The following FAM193A variants were observed in gnomAD, a reference collection of about 807,000 sequenced individuals.
FAM193A encodes the protein protein FAM193A.
FAM193A carries 22 observed loss-of-function variants against 126.5 expected under a neutral mutation model. The observed-to-expected ratio is 0.17, with a 90% confidence interval of 0.12 to 0.25. The LOEUF (loss-of-function observed/expected upper bound fraction) is 0.25, where lower values mean the gene tolerates loss of function less well. Ranked by LOEUF, FAM193A falls within the 10% of genes least tolerant of loss-of-function variation. The pLI is 1.00. For synonymous variants in FAM193A, 761 were observed against 646.8 expected (o/e 1.18, Z -2.68); for missense variants, 1,675 against 1,672.8 (o/e 1.00, Z -0.02).
rs1326447984 is a variant in FAM193A at position 2,659,599 on chromosome 4, A to G, written c.1431A>G (p.Thr477=). The G allele has an allele frequency of 6.2e-7, 1 of 1,614,180 alleles. No individual in the cohort carries two copies. The highest frequency in any genetic ancestry group is 1.1e-5 in the South Asian group (1 of 91,080). Residue 477 remains threonine, a synonymous_variant, in exon 9 of 21, where the codon ACA becomes ACG. Transcript: ENST00000637812. ...KKAVTGENNF[T]DTMRHMLSSR... Reference sequence around the variant, plus strand: ...CAGTTACTGGCGAGAACAACTTCACAGACACCATGAGGCACATGTTATCGT... The same window carrying G: ...CAGTTACTGGCGAGAACAACTTCACGGACACCATGAGGCACATGTTATCGT...
intron 1 of FAM193A, among the ~76,000 whole-genome samples, chr4:2,578,014 C>A (rs1739706117): frequency 6.6e-6 from 1 of 152,132 alleles, no homozygotes; most frequent in African/African-American, 2.4e-5. Context: ...TAATGACTAT[C>A]CCCTATTCCT....
At chr4:2,600,722 T>G (rs901357108) in intron 2 of FAM193A, among the ~76,000 whole-genome samples, 2 of 152,160 alleles carry the variant, frequency 1.3e-5, no homozygotes, top group African/African-American at 2.4e-5. Flanking sequence ...GGCTTTCAGG[T>G]GCCCATCTGT....
At chr4:2,631,236 G>C in intron 5 of FAM193A, 67 bp downstream of exon 5, 7 of 1,472,758 alleles carry the variant, frequency 4.8e-6, no homozygotes, top group Non-Finnish European at 6.5e-6. Flanking sequence ...GCAAGAGGAA[G>C]CTTCTCACGC....
chr4:2,603,751 A>C (rs890874096), intron 2 of FAM193A, among the ~76,000 whole-genome samples: 8 of 151,684 alleles, frequency 5.3e-5, no homozygotes, highest in African/African-American at 1.9e-4. Context: ...CACCCGGCCA[A>C]TTTTCATTAT....
chr4:2,592,704 G>A (rs1432022493), intron 1 of FAM193A, among the ~76,000 whole-genome samples: 1 of 152,194 alleles, frequency 6.6e-6, no homozygotes, highest in East Asian at 1.9e-4. Flanking sequence ...TGAGACTTTG[G>A]GGAGGCCAAA....
At chr4:2,541,725 T>C (rs886333158) in intron 1 of FAM193A, among the ~76,000 whole-genome samples, 1 of 152,202 alleles carries the variant, frequency 6.6e-6, no homozygotes, top group African/African-American at 2.4e-5. Flanking sequence ...ATTACGGGTG[T>C]GACCCACTGC....
chr4:2,666,281 G>A (rs550344195), intron 12 of FAM193A, among the ~76,000 whole-genome samples: 1 of 152,148 alleles, frequency 6.6e-6, no homozygotes, highest in South Asian at 2.1e-4. Flanking sequence ...TGTGGTTTTC[G>A]TTTTTTATTT....
At chr4:2,577,030 T>A (rs1319900980) in intron 1 of FAM193A, among the ~76,000 whole-genome samples, 1 of 152,252 alleles carries the variant, frequency 6.6e-6, no homozygotes, top group Non-Finnish European at 1.5e-5. Context: ...TTCTCACAGG[T>A]GTTCGTCTTC....
At chr4:2,645,291 ATAGACT>A (rs1745021042) in intron 6 of FAM193A, among the ~76,000 whole-genome samples, 1 of 152,144 alleles carries the variant, frequency 6.6e-6, no homozygotes, top group Non-Finnish European at 1.5e-5. Context: ...GCTCACACTG[ATAGACT>A]TAGGTATTAG....
chr4:2,587,453 G>A (rs1440684370), intron 1 of FAM193A, among the ~76,000 whole-genome samples: 1 of 152,214 alleles, frequency 6.6e-6, no homozygotes, highest in East Asian at 1.9e-4. Flanking sequence ...AGCTGCTCAG[G>A]AGTCTGAGGT....
chr4:2,566,764 AT>A (rs977147318), intron 1 of FAM193A, among the ~76,000 whole-genome samples: 2 of 152,088 alleles, frequency 1.3e-5, no homozygotes, highest in African/African-American at 2.4e-5. Flanking sequence ...GTAAATAGTC[AT>A]TTTACTGCAC....
chr4:2,627,385 A>AAACAGGTGGGTTTCTTTC (rs1560494614), intron 4 of FAM193A, among the ~76,000 whole-genome samples: 41 of 137,728 alleles, frequency 3.0e-4, no homozygotes, highest in Middle Eastern at 3.9e-3. Context: ...GGTCTCTAAC[A>AAACAGGTGGGTTTCTTTC]TAATCCACCT....
Position 2,693,788 on chromosome 4 carries a change from G to A in FAM193A, c.3006G>A (p.Gly1002=), listed in dbSNP as rs1206520649. The A allele has an allele frequency of 6.2e-6, 10 of 1,614,192 alleles. No individual in the cohort carries two copies. Among genetic ancestry groups the A allele is most frequent in the Non-Finnish European group, 7.6e-6 (9 of 1,180,042 alleles). Reference sequence around the variant, plus strand: ...CCAAAACAGCAACCACAACTCCTGGGTTTGTGGACACACGCAAGAGTTTCT... The same window carrying A: ...CCAAAACAGCAACCACAACTCCTGGATTTGTGGACACACGCAAGAGTTTCT... ...SFPKTATTTP[G]FVDTRKSFCP... The change falls in exon 16 of 21, where the codon GGG becomes GGA. Residue 1002 remains glycine, a synonymous_variant. Coordinates refer to ENST00000637812, the MANE Select transcript of FAM193A (RefSeq NM_001366318.2).
intron 20 of FAM193A, among the ~76,000 whole-genome samples, chr4:2,723,795 GTTTTTTGT>G (rs1359578673): frequency 1.3e-5 from 2 of 151,748 alleles, no homozygotes; most frequent in Admixed American, 6.6e-5. Flanking sequence ...GGGTTTCTGG[GTTTTTTGT>G]TTGTTTGTTT....
intron 20 of FAM193A, among the ~76,000 whole-genome samples, chr4:2,726,486 C>G (rs1720761676): frequency 6.6e-6 from 1 of 152,160 alleles, no homozygotes; most frequent in East Asian, 1.9e-4. Context: ...CCTTCTCTGG[C>G]CTTGCTTCAC....
At chr4:2,657,729 TG>T in intron 7 of FAM193A, 73 bp from the exon 8 acceptor site, 1 of 942,932 alleles carries the variant, frequency 1.1e-6, no homozygotes, top group Non-Finnish European at 1.6e-6. Flanking sequence ...AGTCTCCTCT[TG>T]AAAATGTCTT....
chr4:2,606,606 G>A (rs1741564488), intron 2 of FAM193A, among the ~76,000 whole-genome samples: 1 of 152,110 alleles, frequency 6.6e-6, no homozygotes, highest in African/African-American at 2.4e-5. Context: ...AAAGTCCATT[G>A]GTCTGTCTTG....
Position 2,639,713 on chromosome 4 carries a change from TCTTTTA to T in FAM193A, c.1039-16_1039-11del, listed in dbSNP as rs765365490. The T allele has an allele frequency of 6.2e-7, 1 of 1,601,860 alleles. No individual in the cohort carries two copies. The highest frequency in any genetic ancestry group is 8.5e-7 in the Non-Finnish European group (1 of 1,172,372). On this transcript the variant is annotated splice_polypyrimidine_tract_variant and intron_variant, in intron 5 of 20. Transcript: ENST00000637812. The stretch of plus-strand genomic sequence containing the variant: ...AGCAATTCACTACATCTTCTGTTTA[TCTTTTA>T]CTTTTTCTTAACCAGGAAAATGAAC...
chr4:2,728,612 G>C (rs1009876263), intron 20 of FAM193A, among the ~76,000 whole-genome samples: 2 of 152,116 alleles, frequency 1.3e-5, no homozygotes, highest in African/African-American at 4.8e-5. Flanking sequence ...CCTCTTCAGA[G>C]ACCTTGGTTA....
Sources: gnomAD v4.1 joint callset for allele counts (sites outside exome capture counted in the v4.1 genomes callset) on GRCh38, gnomAD v4.1.1 for gene constraint, MANE v1.5 for transcripts, NCBI Gene and HGNC (gene_info 2026-07-23, HGNC 2026-07-21) for gene names.